MINDY4: variants seen among roughly 807,000 people sequenced by gnomAD.
MINDY4 encodes probable ubiquitin carboxyl-terminal hydrolase MINDY-4.
Under a neutral mutation model 87.0 loss-of-function variants are expected in MINDY4, and 68 were observed. That is an observed-to-expected ratio of 0.78 (90% confidence interval 0.64 to 0.96). The LOEUF is 0.96. Among genes scored for constraint, MINDY4 ranks in the 40% least tolerant of loss-of-function variants. The pLI is 0.00. For missense variants in MINDY4, 919 were observed against 928.2 expected (o/e 0.99, Z 0.13); for synonymous variants, 379 against 363.2 (o/e 1.04, Z -0.50).
At chr7:30,869,817 C>T (rs928963910) in intron 13 of MINDY4, among the ~76,000 whole-genome samples, 6 of 152,116 alleles carry the variant, frequency 3.9e-5, no homozygotes, top group South Asian at 2.1e-4. Context: ...CCAGGCCCCT[C>T]GTGCTGCAGG....
intron 5 of MINDY4, among the ~76,000 whole-genome samples, chr7:30,793,978 A>G (rs967812276): frequency 1.3e-5 from 2 of 152,162 alleles, no homozygotes; most frequent in Admixed American, 6.5e-5. Flanking sequence ...AAACTGAGGC[A>G]CAGAGAATCC....
At chr7:30,871,161 TG>T (rs780660274) in intron 13 of MINDY4, among the ~76,000 whole-genome samples, 2 of 152,030 alleles carry the variant, frequency 1.3e-5, no homozygotes, top group African/African-American at 2.4e-5. Context: ...TGTGCAGAAG[TG>T]GGGGGGACAG....
chr7:30,839,199 G>T lies in MINDY4; in HGVS notation c.1240-1G>T. On this transcript the variant is annotated splice_acceptor_variant, in intron 7 of 17. Transcript: ENST00000265299. LOFTEE classifies it high-confidence loss of function. ...AGTAAAACTCTCTCTTCTTTTTATA[G>T]GAAATAAAGACCCTTCTGTTTGGTT... 6.3e-7 allele frequency: 1 copy of T among 1,585,288 alleles called. No homozygotes were observed. The highest frequency in any genetic ancestry group is 1.7e-4 in the Middle Eastern group (1 of 5,930).
chr7:30,838,432 G>C (rs1307619733), intron 7 of MINDY4, among the ~76,000 whole-genome samples: 2 of 152,208 alleles, frequency 1.3e-5, no homozygotes, highest in African/African-American at 4.8e-5. Flanking sequence ...GCATGGTAGA[G>C]AGTTGTACTA....
intron 17 of MINDY4, among the ~76,000 whole-genome samples, 192 bp from the exon 18 acceptor site, chr7:30,891,765 G>A (rs573879988): frequency 6.6e-6 from 1 of 152,316 alleles, no homozygotes; most frequent in East Asian, 1.9e-4. Flanking sequence ...GGGGTCCTAG[G>A]TGTATTTGTG....
At chr7:30,833,064 A>G (rs976597972) in intron 6 of MINDY4, among the ~76,000 whole-genome samples, 1 of 152,146 alleles carries the variant, frequency 6.6e-6, no homozygotes, top group Non-Finnish European at 1.5e-5. Flanking sequence ...TTCTCTACCC[A>G]GCACCATGTT....
chr7:30,782,110 A>G lies in MINDY4; in HGVS notation c.317A>G (p.Lys106Arg), dbSNP rs1043264846. ...CTCTCAGTTCCAAAGAAAAATAACA[A>G]AGTGCCATCAAGATGCTCAGAGACT... is the stretch of plus-strand genomic sequence containing the variant. ...PALSVPKKNNKVPSRCSETTL... is the reference protein window; with the variant it reads ...PALSVPKKNNRVPSRCSETTL... The change falls in exon 3 of 18, where the codon AAA becomes AGA. Residue 106 changes from lysine to arginine, a missense_variant. Transcript: ENST00000265299. 1.9e-6 allele frequency: 3 copies of G among 1,613,866 alleles called. No homozygotes were observed. In the African/African-American group the frequency reaches 4.0e-5, roughly 22 times the overall value.
chr7:30,832,432 CTT>C (rs1788733640), intron 6 of MINDY4, among the ~76,000 whole-genome samples: 1 of 152,228 alleles, frequency 6.6e-6, no homozygotes, highest in Non-Finnish European at 1.5e-5. Flanking sequence ...TCACACATCT[CTT>C]TTCCTCCAGA....
At chr7:30,815,437 C>T (rs1788118449) in intron 5 of MINDY4, among the ~76,000 whole-genome samples, 1 of 152,234 alleles carries the variant, frequency 6.6e-6, no homozygotes, top group Non-Finnish European at 1.5e-5. Flanking sequence ...CCAGGCACCC[C>T]ATCACATCTC....
intron 7 of MINDY4, 99 bp downstream of exon 7, chr7:30,836,863 C>G (rs1788873209): frequency 1.1e-6 from 1 of 883,054 alleles, no homozygotes. Flanking sequence ...TCATTGTAAT[C>G]TCTTGGTCAT....
At chr7:30,856,263 C>T (rs140855163) in intron 12 of MINDY4, among the ~76,000 whole-genome samples, 120 of 152,274 alleles carry the variant, frequency 7.9e-4, no homozygotes, top group African/African-American at 2.8e-3. Flanking sequence ...TCAATGCAGG[C>T]GTGTTGCCCT....
chr7:30,823,737 T>G (rs1410137769), intron 5 of MINDY4, among the ~76,000 whole-genome samples: 2 of 152,208 alleles, frequency 1.3e-5, no homozygotes, highest in African/African-American at 4.8e-5. Context: ...CTGTGTCTGT[T>G]GGCTTTCACT....
intron 13 of MINDY4, among the ~76,000 whole-genome samples, chr7:30,865,160 A>G (rs768084970): frequency 2.3e-4 from 35 of 152,184 alleles, no homozygotes; most frequent in Admixed American, 6.5e-4. Context: ...CTGCACCGAC[A>G]CCTGGCTTTG....
chr7:30,852,323 T>C, intron 11 of MINDY4, 44 bp downstream of exon 11: 1 of 1,613,746 alleles, frequency 6.2e-7, no homozygotes. Flanking sequence ...TGGCTTTGTT[T>C]GGGGACTGTC....
intron 3 of MINDY4, among the ~76,000 whole-genome samples, chr7:30,783,495 G>A (rs6966965): frequency 0.04 from 6,151 of 152,250 alleles, 249 homozygotes; most frequent in East Asian, 0.2. Flanking sequence ...CTAAGCATGA[G>A]GGAGTTATTT....
At chr7:30,776,039 G>A (rs913061577) in intron 1 of MINDY4, among the ~76,000 whole-genome samples, 1 of 152,182 alleles carries the variant, frequency 6.6e-6, no homozygotes, top group East Asian at 1.9e-4. Flanking sequence ...CACTTCTGTT[G>A]CAAACACCTT....
At chr7:30,883,096 C>T in intron 17 of MINDY4, 103 bp downstream of exon 17, 1 of 1,072,536 alleles carries the variant, frequency 9.3e-7, no homozygotes, top group Non-Finnish European at 1.4e-6. Context: ...GGTTCCTGGA[C>T]CACCCTGATT....
In MINDY4 at chr7:30,882,199, A is replaced by AC; in HGVS notation, c.1994dup (p.Arg666GlufsTer10). 1 of 1,607,838 alleles carries AC rather than the reference A, an allele frequency of 6.2e-7. No homozygotes were observed. Among genetic ancestry groups the AC allele is most frequent in the Non-Finnish European group, 8.5e-7 (1 of 1,175,718 alleles). Reference sequence around the variant, plus strand: ...CATCCAGGTTGGCTGCTTCCTGAAGACCCCGAGGTTCCCCATCTGGGTGGT... The same window carrying AC: ...CATCCAGGTTGGCTGCTTCCTGAAGACCCCCGAGGTTCCCCATCTGGGTGGT... On this transcript the variant is annotated frameshift_variant, in exon 16 of 18. Coordinates refer to ENST00000265299, the MANE Select transcript of MINDY4 (RefSeq NM_032222.3). LOFTEE classifies it high-confidence loss of function.
At chr7:30,820,015 C>T (rs2128560413) in intron 5 of MINDY4, among the ~76,000 whole-genome samples, 1 of 148,038 alleles carries the variant, frequency 6.8e-6, no homozygotes, top group Middle Eastern at 3.5e-3. Context: ...CATTCTCCTG[C>T]CTCAGCCTCC....
Sources: gnomAD v4.1 joint callset for allele counts (sites outside exome capture counted in the v4.1 genomes callset) on GRCh38, gnomAD v4.1.1 for gene constraint, MANE v1.5 for transcripts, NCBI Gene and HGNC (gene_info 2026-07-23, HGNC 2026-07-21) for gene names.